BDP1: variants seen among roughly 807,000 people sequenced by gnomAD.
BDP1 encodes transcription factor TFIIIB component B'' homolog.
BDP1 carries 169 observed loss-of-function variants against 266.6 expected under a neutral mutation model. The observed-to-expected ratio is 0.63, with a 90% CI of 0.56 to 0.72. The LOEUF is 0.72. Among genes scored for constraint, BDP1 ranks in the 30% least tolerant of loss-of-function variants. The probability of loss-of-function intolerance (pLI) is 0.00; values close to 1 mark genes in which losing one functional copy is unlikely to be tolerated. For synonymous variants in BDP1, 1,090 were observed against 1,022.4 expected, an observed-to-expected ratio of 1.07 and a Z score of -1.26; for missense variants, 3,015 against 3,053.8, an observed-to-expected ratio of 0.99 and a Z score of 0.30.
In BDP1 at chr5:71,456,070, G is replaced by A. The variant is rs560053520; in HGVS notation, c.193G>A (p.Glu65Lys). Residue 65 changes from glutamate (E) to lysine (K), a missense_variant, in exon 1 of 39, where the codon GAA (glutamate) becomes AAA (lysine). Glu to Lys is a moderately conservative substitution (Grantham distance 56). This residue lies in a region of BDP1 where 2,383 missense variants were observed against 2,404.9 expected (regional missense o/e 0.99). Coordinates refer to ENST00000358731, the MANE Select transcript of BDP1 (RefSeq NM_018429.3). ...TVDFGGAEPQEKAPRSSTEKT... is the reference protein window; with the variant it reads ...TVDFGGAEPQKKAPRSSTEKT... ...CGATTTCGGTGGAGCGGAGCCCCAA[G>A]AAAAGGCTCCTAGGAGCAGGTAAGA... 153 of 1,613,204 alleles carry A rather than the reference G, an allele frequency of 9.5e-5. No homozygotes were observed. The East Asian group carries it at 2.9e-3, about 30-fold the overall frequency.
Position 71,522,860 on chromosome 5 carries a change from T to G in BDP1, c.5298T>G (p.Val1766=). Residue 1766 remains valine, a synonymous_variant, in exon 24 of 39, where the codon GTT becomes GTG. Coordinates refer to ENST00000358731, the MANE Select transcript of BDP1 (RefSeq NM_018429.3). ...AAATAGATGCGGAATTAGAAGAAGT[T>G]GGACCATCAAGAAGGGTTGGAGAGG... The part of the protein sequence containing the change: ...LAKIDAELEE[V]GPSRRVGEET... The G allele has an allele frequency of 6.2e-7, 1 of 1,613,968 alleles. No individual in the cohort carries two copies. Among genetic ancestry groups the G allele is most frequent in the Non-Finnish European group, 8.5e-7 (1 of 1,179,934 alleles).
intron 7 of BDP1, among the ~76,000 whole-genome samples, chr5:71,480,111 ATTT>A (rs879261553): frequency 2.1e-5 from 3 of 143,064 alleles, no homozygotes; most frequent in African/African-American, 5.1e-5. Context: ...TGCCTGGCTA[ATTT>A]TTTTTTTTTT....
intron 7 of BDP1, among the ~76,000 whole-genome samples, chr5:71,477,127 A>G (rs1411079831): frequency 6.6e-6 from 1 of 151,178 alleles, no homozygotes; most frequent in African/African-American, 2.4e-5. Context: ...GATTATAGGC[A>G]TGAGCCACCG....
At chr5:71,456,454 A>G (rs1010973285) in intron 1 of BDP1, among the ~76,000 whole-genome samples, 1 of 152,208 alleles carries the variant, frequency 6.6e-6, no homozygotes, top group Non-Finnish European at 1.5e-5. Flanking sequence ...TTGTCTTTCA[A>G]TTTATAAAAT....
chr5:71,466,110 G>A lies in BDP1; in HGVS notation c.674G>A (p.Ser225Asn), dbSNP rs762464101. ...ATATGTGGTAGGCAAGAAGGTAAGA[G>A]TACTCCTAATGCTGAAGATAATGAA... Reference protein sequence around the residue: ...PVQTREQEGKSTPNAEDNEME... With the variant: ...PVQTREQEGKNTPNAEDNEME... The change falls in exon 5 of 39, where the codon AGT becomes AAT. Residue 225 changes from serine to asparagine, a missense_variant. By Grantham distance (46) the Ser-to-Asn change is conservative. Transcript: ENST00000358731. 21 of 1,613,640 alleles carry A rather than the reference G, an allele frequency of 1.3e-5. No individual in the cohort carries two copies. In the South Asian group the frequency reaches 2.2e-4, roughly 17 times the overall value.
Position 71,458,813 on chromosome 5 carries a change from GA to G in BDP1, c.450del (p.Lys150AsnfsTer2), listed in dbSNP as rs1561661109. On this transcript the variant is annotated frameshift_variant, in exon 2 of 39. Coordinates refer to ENST00000358731, the MANE Select transcript of BDP1 (RefSeq NM_018429.3). LOFTEE classifies it high-confidence loss of function. The part of the protein sequence containing the change: ...SDRYRIYKAQ[K>X]LREMLKEELR... ...ACAGATACCGAATATACAAAGCCCA[GA>G]AACTGAGGGAAATGTTAAAAGAAGA... is the stretch of plus-strand genomic sequence containing the variant. The G allele has an allele frequency of 1.9e-6, 3 of 1,612,800 alleles. No individual in the cohort carries two copies. The highest frequency in any genetic ancestry group is 1.1e-5 in the South Asian group (1 of 90,616).
rs766888434 is a variant in BDP1, at chr5:71,467,462, T to C, written c.894T>C (p.Tyr298=). The C allele has an allele frequency of 7.5e-6, 12 of 1,607,452 alleles. No individual in the cohort carries two copies. The highest frequency in any genetic ancestry group is 1.0e-5 in the Non-Finnish European group (12 of 1,175,010). The change falls in exon 6 of 39, where the codon TAT becomes TAC. Residue 298 remains tyrosine, a synonymous_variant. Coordinates refer to ENST00000358731, the MANE Select transcript of BDP1 (RefSeq NM_018429.3). The part of the protein sequence containing the change: ...TTTYSSFRKN[Y]YSKPWSNKET... The stretch of plus-strand genomic sequence containing the variant: ...CATACTCCAGCTTTAGGAAAAACTA[T>C]TACTCTAAACCATGGTCAAATAAAG...
chr5:71,549,668 T>C (rs1476683277), intron 34 of BDP1, 62 bp downstream of exon 34: 1 of 1,340,526 alleles, frequency 7.5e-7, no homozygotes, highest in Non-Finnish European at 1.0e-6. Context: ...TAAGTAGCAT[T>C]GATTGAACAA....
chr5:71,497,941 A>G (rs1054411786), intron 13 of BDP1, among the ~76,000 whole-genome samples: 7 of 150,238 alleles, frequency 4.7e-5, no homozygotes, highest in Non-Finnish European at 7.4e-5. Flanking sequence ...GGTGTGTGCC[A>G]CCAAACCCAG....
the BDP1 span, among the ~76,000 whole-genome samples, chr5:71,577,607 G>T: frequency 1.3e-5 from 2 of 152,184 alleles, no homozygotes; most frequent in African/African-American, 4.8e-5. Flanking sequence ...TTTGCAGGGA[G>T]CTTTCACATC....
At chr5:71,504,431 A>G (rs1764451705) in intron 15 of BDP1, among the ~76,000 whole-genome samples, 190 bp from the exon 16 acceptor site, 2 of 152,216 alleles carry the variant, frequency 1.3e-5, no homozygotes, top group Non-Finnish European at 2.9e-5. Context: ...GGGCTTTGAG[A>G]TATCCTAAAA....
In BDP1 at chr5:71,464,121, A is replaced by T. The variant is rs753146288; in HGVS notation, c.659+4A>T. 6.5e-7 allele frequency: 1 copy of T among 1,545,494 alleles called. No homozygotes were observed. Among genetic ancestry groups the T allele is most frequent in the South Asian group, 1.2e-5 (1 of 83,010 alleles). On this transcript the variant is annotated splice_donor_region_variant and intron_variant, in intron 4 of 38. Transcript: ENST00000358731. Reference sequence around the variant, plus strand: ...CGACTCCAGTCCAGACAAGAGAGTAAGTATTTTATTTTTGAATATATTCTA... The same window carrying T: ...CGACTCCAGTCCAGACAAGAGAGTATGTATTTTATTTTTGAATATATTCTA...
intron 26 of BDP1, among the ~76,000 whole-genome samples, chr5:71,535,718 T>C (rs1766556645): frequency 6.6e-6 from 1 of 152,158 alleles, no homozygotes; most frequent in African/African-American, 2.4e-5. Flanking sequence ...CATGCCTTTC[T>C]CCTGCCTTCT....
chr5:71,515,016 C>T lies in BDP1; in HGVS notation c.4543C>T (p.Pro1515Ser). The change falls in exon 20 of 39, where the codon CCA becomes TCA. Residue 1515 changes from proline (P) to serine (S), a missense_variant. Pro to Ser is a moderately conservative substitution (Grantham distance 74, BLOSUM62 -1). This residue lies in a region of BDP1 where 2,383 missense variants were observed against 2,404.9 expected (regional missense o/e 0.99). Transcript: ENST00000358731. ...CAGGAATGAGGAGGCTGTGATATTG[C>T]CATGTACACAGACTGAAAGGAACCT... ...GHRNEEAVIL[P>S]CTQTERNLSP... The T allele has an allele frequency of 6.2e-7, 1 of 1,612,392 alleles. No individual in the cohort carries two copies. Among genetic ancestry groups the T allele is most frequent in the African/African-American group, 1.3e-5 (1 of 74,876 alleles).
At chr5:71,526,712 G>C (rs911052673) in intron 25 of BDP1, among the ~76,000 whole-genome samples, 6 of 146,818 alleles carry the variant, frequency 4.1e-5, no homozygotes, top group African/African-American at 1.2e-4. Flanking sequence ...TTTAAAGACG[G>C]GGTCTCAGTC....
In BDP1 at chr5:71,510,593, T is replaced by C; in HGVS notation, c.3501T>C (p.Asp1167=). 1 of 1,587,258 alleles carries C rather than the reference T, an allele frequency of 6.3e-7. No individual in the cohort carries two copies. The change falls in exon 17 of 39, where the codon GAT becomes GAC. Residue 1167 remains aspartate, a synonymous_variant. Transcript: ENST00000358731. ...GCCCAGAGGAGGTCAAGCCTGTAGA[T>C]GAAATGGAGACAGACTTGAAAACAA... ...ENGPEEVKPV[D]EMETDLKTTG...
chr5:71,477,310 G>C (rs1762653471), intron 7 of BDP1, among the ~76,000 whole-genome samples: 1 of 151,636 alleles, frequency 6.6e-6, no homozygotes, highest in Non-Finnish European at 1.5e-5. Context: ...TACTGTGCTT[G>C]ACTAAATTTT....
At position 71,516,050 on chromosome 5, in the gene BDP1, C is replaced by G. The variant is rs1467589423; in HGVS notation, c.4650-11C>G. ...CAAGCGCCCTGCCTTTCTCCCTGTCCCCTTGTTTAGGACTAATAATGTAAA... is the reference window on the plus strand; with the variant it reads ...CAAGCGCCCTGCCTTTCTCCCTGTCGCCTTGTTTAGGACTAATAATGTAAA... On this transcript the variant is annotated splice_polypyrimidine_tract_variant and intron_variant, in intron 20 of 38. Coordinates refer to ENST00000358731, the MANE Select transcript of BDP1 (RefSeq NM_018429.3). 3 of 1,586,178 alleles carry G rather than the reference C, an allele frequency of 1.9e-6. No individual in the cohort carries two copies. The highest frequency in any genetic ancestry group is 2.6e-6 in the Non-Finnish European group (3 of 1,164,536).
rs571421218 is a variant in BDP1, at chr5:71,552,757, C to T, written c.6996-359C>T. On this transcript the variant is annotated intron_variant, in intron 34 of 38. Transcript: ENST00000358731. Reference sequence around the variant, plus strand: ...ACCAGGCAGGGAGGCTGCAGTGAGCCGAGATGGCAGCAGTACAGTCCAGCT... The same window carrying T: ...ACCAGGCAGGGAGGCTGCAGTGAGCTGAGATGGCAGCAGTACAGTCCAGCT... 4.1e-3 allele frequency among the ~76,000 whole-genome samples: 623 copies of T among 152,298 alleles called. 5 individuals are homozygous for T. The highest frequency in any genetic ancestry group is 0.014 in the African/African-American group (581 of 41,558).
Sources: gnomAD v4.1 joint callset for allele counts (sites outside exome capture counted in the v4.1 genomes callset) on GRCh38, gnomAD v4.1.1 for gene constraint, gnomAD v4.1.1 regional missense constraint, MANE v1.5 for transcripts, NCBI Gene and HGNC (gene_info 2026-07-23, HGNC 2026-07-21) for gene names.